The following ASTN2 variants were observed in gnomAD, a reference collection of about 807,000 sequenced individuals.
ASTN2 encodes the protein astrotactin 2.
Under a neutral mutation model 139.8 loss-of-function variants are expected in ASTN2, and 54 were observed. That is an observed-to-expected ratio of 0.39 (90% CI 0.31 to 0.48). The LOEUF is 0.48. Ranked by LOEUF, ASTN2 falls within the 20% of genes least tolerant of loss-of-function variation. The probability of loss-of-function intolerance (pLI) is 0.95; values close to 1 mark genes in which losing one functional copy is unlikely to be tolerated. For missense variants in ASTN2, 1,565 were observed against 1,725.1 expected, an observed-to-expected ratio of 0.91 and a Z score of 1.64; for synonymous variants, 756 against 719.5, an observed-to-expected ratio of 1.05 and a Z score of -0.81.
chr9:116,958,449 CGT>C (rs2132498554), intron 10 of ASTN2, among the ~76,000 whole-genome samples: 1 of 152,106 alleles, frequency 6.6e-6, no homozygotes, highest in Admixed American at 6.5e-5. Context: ...ATTAGCCGGG[CGT>C]GGCGGCGGGT....
intron 3 of ASTN2, among the ~76,000 whole-genome samples, chr9:117,155,416 C>T (rs758245072): frequency 1.3e-4 from 19 of 151,898 alleles, no homozygotes; most frequent in South Asian, 4.2e-4. Context: ...CCTGCATGTA[C>T]GGGTGGACGG....
chr9:116,470,311 A>G (rs1221422644), intron 20 of ASTN2, among the ~76,000 whole-genome samples: 2 of 152,164 alleles, frequency 1.3e-5, no homozygotes, highest in Non-Finnish European at 2.9e-5. Flanking sequence ...GGCCCTGTGA[A>G]GGGGAAGAGC....
chr9:116,746,463 G>A (rs560896482), intron 13 of ASTN2, among the ~76,000 whole-genome samples: 4 of 152,024 alleles, frequency 2.6e-5, no homozygotes, highest in African/African-American at 9.6e-5. Flanking sequence ...AGATCCTTTT[G>A]GTTTCACTGG....
At chr9:116,966,699 T>A (rs1053280390) in intron 10 of ASTN2, among the ~76,000 whole-genome samples, 2 of 136,968 alleles carry the variant, frequency 1.5e-5, no homozygotes, top group Admixed American at 7.7e-5. Context: ...CGGGCCTCAT[T>A]TTCTTTAAAA....
intron 3 of ASTN2, among the ~76,000 whole-genome samples, chr9:117,206,368 T>C (rs1831923731): frequency 6.6e-6 from 1 of 152,158 alleles, no homozygotes; most frequent in Non-Finnish European, 1.5e-5. Flanking sequence ...CTACAGTCCC[T>C]ACTACAGGAG....
chr9:117,076,281 A>C lies in ASTN2; in HGVS notation c.1276+19763T>G, dbSNP rs1474388302. ...ATGTCACTGTTGAGGGTGAAAAGGC[A>C]AGAGAAGATTATCCCAGACAGAGGG... On this transcript the variant is annotated intron_variant, in intron 5 of 22. Transcript: ENST00000313400. Among the ~76,000 whole-genome samples, 5 of 152,146 alleles carry C rather than the reference A, an allele frequency of 3.3e-5. No homozygotes were observed. In the East Asian group the frequency reaches 7.7e-4, roughly 23 times the overall value.
chr9:116,922,417 CAG>C (rs1047309530), intron 10 of ASTN2, among the ~76,000 whole-genome samples: 5 of 152,090 alleles, frequency 3.3e-5, no homozygotes, highest in Non-Finnish European at 4.4e-5. Context: ...ATCATAGACT[CAG>C]GGGGCAATTT....
chr9:116,753,288 A>C (rs1829447616), intron 13 of ASTN2, among the ~76,000 whole-genome samples: 1 of 152,210 alleles, frequency 6.6e-6, no homozygotes, highest in Non-Finnish European at 1.5e-5. Flanking sequence ...ACTACATAAC[A>C]CTGTGGAAAA....
At chr9:116,478,107 G>T (rs1400972750) in intron 20 of ASTN2, among the ~76,000 whole-genome samples, 1 of 148,390 alleles carries the variant, frequency 6.7e-6, no homozygotes, top group African/African-American at 2.5e-5. Flanking sequence ...AAGAAAGAGA[G>T]GGAGGGGGTA....
chr9:116,682,683 A>G (rs2132025402), intron 16 of ASTN2, among the ~76,000 whole-genome samples: 1 of 152,326 alleles, frequency 6.6e-6, no homozygotes, highest in East Asian at 1.9e-4. Flanking sequence ...ACACCATGGA[A>G]TACTATGCAG....
At chr9:116,989,968 G>GT (rs1363991769) in intron 7 of ASTN2, among the ~76,000 whole-genome samples, 1 of 151,984 alleles carries the variant, frequency 6.6e-6, no homozygotes, top group Non-Finnish European at 1.5e-5. Context: ...CTCTGCTTCT[G>GT]TTTTTTCTTT....
intron 20 of ASTN2, among the ~76,000 whole-genome samples, chr9:116,476,841 GCCTGTTCT>G (rs1848995954): frequency 6.6e-6 from 1 of 152,098 alleles, no homozygotes; most frequent in East Asian, 1.9e-4. Flanking sequence ...ACTCAACTCA[GCCTGTTCT>G]CCAAACCATG....
chr9:116,923,603 C>T (rs10513279), intron 10 of ASTN2, among the ~76,000 whole-genome samples: 67,687 of 152,058 alleles, frequency 0.45, 18,113 homozygotes, highest in Non-Finnish European at 0.6. Context: ...CGTACACCAA[C>T]TTTCCTCAGC....
At chr9:117,214,322 C>A in intron 3 of ASTN2, 36 bp downstream of exon 3, 1 of 1,532,892 alleles carries the variant, frequency 6.5e-7, no homozygotes, top group East Asian at 2.3e-5. Flanking sequence ...TTTCAAAATG[C>A]CCCCTGGAAA....
intron 7 of ASTN2, among the ~76,000 whole-genome samples, chr9:116,994,868 C>T (rs1836967106): frequency 6.6e-6 from 1 of 152,274 alleles, no homozygotes; most frequent in Non-Finnish European, 1.5e-5. Context: ...TATAATAATA[C>T]CAAATGTTTG....
Position 116,477,854 on chromosome 9 carries a change from CAAAAAAG to C in ASTN2, c.3497+9498_3497+9504del, listed in dbSNP as rs1445512192. 6.2e-3 allele frequency among the ~76,000 whole-genome samples: 109 copies of C among 17,580 alleles called. 3 individuals carry two copies. Among genetic ancestry groups the C allele is most frequent in the Middle Eastern group, 0.05 (2 of 40 alleles). 11.5% of individuals were successfully genotyped at this position (17,580 alleles called of 152,430 possible). A position where few individuals can be genotyped will look rare whatever the true frequency, so the allele number is the denominator to read the frequency against. On this transcript the variant is annotated intron_variant, in intron 20 of 22. Coordinates refer to ENST00000313400, the MANE Select transcript of ASTN2 (RefSeq NM_001365068.1). ...TGGGCAACACAGTGAGATCCCTAATCAAAAAAGAAAAAAAAAAAAAATGAAAGAAAAG... is the reference window on the plus strand; with the variant it reads ...TGGGCAACACAGTGAGATCCCTAATCAAAAAAAAAAAAAATGAAAGAAAAG...
chr9:116,799,864 C>G (rs2132235488), intron 13 of ASTN2, among the ~76,000 whole-genome samples: 1 of 152,302 alleles, frequency 6.6e-6, no homozygotes, highest in South Asian at 2.1e-4. Context: ...GAGACCAACA[C>G]TTAGCACCGG....
intron 4 of ASTN2, among the ~76,000 whole-genome samples, chr9:117,105,539 C>G (rs1025430323): frequency 6.6e-6 from 1 of 152,172 alleles, no homozygotes; most frequent in African/African-American, 2.4e-5. Flanking sequence ...GATAATTCAC[C>G]TTTCCTTTAT....
chr9:117,276,265 A>G (rs1035104359), intron 2 of ASTN2, among the ~76,000 whole-genome samples: 2 of 152,210 alleles, frequency 1.3e-5, no homozygotes, highest in Non-Finnish European at 2.9e-5. Context: ...GCTCAGGAGA[A>G]GGCAAGTAGC....
Sources: gnomAD v4.1 joint callset for allele counts (sites outside exome capture counted in the v4.1 genomes callset) on GRCh38, gnomAD v4.1.1 for gene constraint, MANE v1.5 for transcripts, NCBI Gene and HGNC (gene_info 2026-07-23, HGNC 2026-07-21) for gene names.